PPP1R13B: variants seen among roughly 807,000 people sequenced by gnomAD.
PPP1R13B encodes apoptosis-stimulating of p53 protein 1.
PPP1R13B carries 44 observed loss-of-function variants against 119.8 expected under a neutral mutation model. The ratio of observed to expected loss-of-function variants is 0.37; its 90% CI spans 0.29 to 0.47. The LOEUF (loss-of-function observed/expected upper bound fraction) is 0.47, where lower values mean the gene tolerates loss of function less well. Among genes scored for constraint, PPP1R13B ranks in the 20% least tolerant of loss-of-function variants. The pLI, the probability that PPP1R13B is intolerant of heterozygous loss-of-function variation, is 0.99. For synonymous variants in PPP1R13B, 542 were observed against 561.5 expected (o/e 0.97, Z 0.49); for missense variants, 1,227 against 1,413.5 (o/e 0.87, Z 2.12).
chr14:103,742,126 T>A lies in PPP1R13B; in HGVS notation c.1486A>T (p.Ser496Cys). The change falls in exon 11 of 17, where the codon AGT (serine) becomes TGT (cysteine). Residue 496 changes from serine to cysteine, a missense_variant. Transcript: ENST00000202556. This position sits in a 1 kb window ranked among gnomAD's most constrained non-coding sequence, Gnocchi z 4.9. ...GGCAGCAGGGTGGGCCTCTGTCGAC[T>A]TGGCAGGCCTGCACTGGGCCTGGGC... ...SLPRPSAGLP[S>C]RQRPTLLPAT... is the part of the protein sequence containing the mutation. 1.2e-6 allele frequency: 2 copies of A among 1,612,870 alleles called. No homozygotes were observed. Among genetic ancestry groups the A allele is most frequent in the Non-Finnish European group, 1.7e-6 (2 of 1,180,002 alleles).
At chr14:103,774,768 G>T (rs1045962017) in intron 4 of PPP1R13B, among the ~76,000 whole-genome samples, 1 of 152,182 alleles carries the variant, frequency 6.6e-6, no homozygotes, top group Non-Finnish European at 1.5e-5. Flanking sequence ...CATTTTGGGG[G>T]AAGATGTTTT....
In PPP1R13B at chr14:103,740,434, C is replaced by T; in HGVS notation, c.1982G>A (p.Ser661Asn). The T allele has an allele frequency of 6.2e-7, 1 of 1,603,450 alleles. No homozygotes were observed. The highest frequency in any genetic ancestry group is 8.5e-7 in the Non-Finnish European group (1 of 1,174,020). The change falls in exon 12 of 17, where the codon AGC becomes AAC. Residue 661 changes from serine (S) to asparagine (N), a missense_variant. Transcript: ENST00000202556. This position sits in a 1 kb window ranked among gnomAD's most constrained non-coding sequence, Gnocchi z 4.6. ...TGGCCGTGGCAGGCTCTCCACGGTGCTGCCATCTGCGGGGGCGGCGGGGCC... is the reference window on the plus strand; with the variant it reads ...TGGCCGTGGCAGGCTCTCCACGGTGTTGCCATCTGCGGGGGCGGCGGGGCC... ...QDGPAAPADG[S>N]TVESLPRPLS...
At chr14:103,737,434 G>T in intron 15 of PPP1R13B, 1 of 360,612 alleles carries the variant, frequency 2.8e-6, no homozygotes, top group East Asian at 4.8e-5. Context: ...AAATTAGCTG[G>T]CTGTGGTGGG....
At chr14:103,824,134 C>T (rs1369276414) in intron 1 of PPP1R13B, among the ~76,000 whole-genome samples, 1 of 148,914 alleles carries the variant, frequency 6.7e-6, no homozygotes, top group Non-Finnish European at 1.5e-5. Context: ...CGACCTCCAC[C>T]TCCCAGGTTC....
rs528848543 is a variant in PPP1R13B, at chr14:103,843,034, C to T, written c.9+4265G>A. On this transcript the variant is annotated intron_variant, in intron 1 of 16. Transcript: ENST00000202556. ...TCCCCACATATATCTCATCTATGCA[C>T]GAAAAGTTTTACTAGCTACAAAACG... Among the ~76,000 whole-genome samples, 80 of 151,916 alleles carry T rather than the reference C, an allele frequency of 5.3e-4. No individual in the cohort carries two copies. The South Asian group carries it at 0.016, about 30-fold the overall frequency.
intron 4 of PPP1R13B, among the ~76,000 whole-genome samples, chr14:103,758,983 G>C (rs1324139480): frequency 2.7e-5 from 4 of 150,442 alleles, no homozygotes; most frequent in Non-Finnish European, 5.9e-5. Flanking sequence ...TCTTGAGACG[G>C]AGTCTCGCTC....
intron 2 of PPP1R13B, chr14:103,794,666 A>T (rs901074989): frequency 2.6e-5 from 4 of 151,308 alleles, no homozygotes; most frequent in Admixed American, 6.7e-5. Flanking sequence ...TCTGAAACCT[A>T]AAAAAAAAAA....
At chr14:103,776,908 A>C (rs2085213802) in intron 4 of PPP1R13B, among the ~76,000 whole-genome samples, 1 of 152,054 alleles carries the variant, frequency 6.6e-6, no homozygotes, top group Non-Finnish European at 1.5e-5. Context: ...CTAGTCTTAA[A>C]ATTACTTGTT....
At chr14:103,746,290 C>T (rs2084382908) in intron 9 of PPP1R13B, 83 bp downstream of exon 9, 1 of 276,052 alleles carries the variant, frequency 3.6e-6, no homozygotes. Flanking sequence ...CCTCAGGAGC[C>T]TGCCCCACCC....
chr14:103,814,294 A>C (rs942837764), intron 1 of PPP1R13B, among the ~76,000 whole-genome samples: 2 of 152,292 alleles, frequency 1.3e-5, no homozygotes, highest in East Asian at 3.9e-4. Flanking sequence ...GCTTGCAGTG[A>C]GCCGAGATTG....
At chr14:103,803,923 G>C (rs1225459480) in intron 1 of PPP1R13B, 1 of 508,990 alleles carries the variant, frequency 2.0e-6, no homozygotes, top group Non-Finnish European at 2.5e-6. Flanking sequence ...CCCAACCTCA[G>C]ATAAAGCCTC....
intron 1 of PPP1R13B, among the ~76,000 whole-genome samples, chr14:103,843,361 G>A (rs572004097): frequency 5.9e-5 from 9 of 151,824 alleles, no homozygotes; most frequent in African/African-American, 1.2e-4. Flanking sequence ...GTGACAGAGC[G>A]AGACTCTGTC....
intron 4 of PPP1R13B, among the ~76,000 whole-genome samples, chr14:103,760,444 G>A (rs1467547249): frequency 2.6e-5 from 4 of 152,172 alleles, no homozygotes; most frequent in Middle Eastern, 3.4e-3. Flanking sequence ...TAGAGTTGTC[G>A]GATGAGTTCA....
chr14:103,739,204 T>C, intron 12 of PPP1R13B, 181 bp from the exon 13 acceptor site: 1 of 736,900 alleles, frequency 1.4e-6, no homozygotes, highest in Non-Finnish European at 2.2e-6. Flanking sequence ...AGGGCCACTC[T>C]GCTCACTACA....
At chr14:103,809,357 T>C (rs1352092276) in intron 1 of PPP1R13B, among the ~76,000 whole-genome samples, 1 of 152,224 alleles carries the variant, frequency 6.6e-6, no homozygotes, top group Non-Finnish European at 1.5e-5. Context: ...TTACTTAGTA[T>C]ATAGTCCCTT....
At chr14:103,833,862 T>TTCTCGACAATGTGAGC (rs2086713809) in intron 1 of PPP1R13B, among the ~76,000 whole-genome samples, 1 of 152,146 alleles carries the variant, frequency 6.6e-6, no homozygotes, top group Non-Finnish European at 1.5e-5. Flanking sequence ...TACATGATTG[T>TTCTCGACAATGTGAGC]TCTCGACAAT....
chr14:103,815,928 G>A (rs1425572250), intron 1 of PPP1R13B, among the ~76,000 whole-genome samples: 3 of 150,958 alleles, frequency 2.0e-5, no homozygotes, highest in East Asian at 2.0e-4. Context: ...TTAAAAATAC[G>A]AAAACATTAG....
At position 103,746,655 on chromosome 14, in the gene PPP1R13B, G is replaced by A. The variant is rs146044005; in HGVS notation, c.970-102C>T. On this transcript the variant is annotated intron_variant, in intron 8 of 16. Transcript: ENST00000202556. ...AGCTCGGACAGAAAGCACTCACTCA[G>A]TGGTTGGTTTTTAGGAAGCCTGTCA... 4.2e-4 allele frequency: 467 copies of A among 1,113,450 alleles called. 2 individuals carry two copies. The African/African-American group carries it at 6.8e-3, about 16-fold the overall frequency. 69.0% of individuals were successfully genotyped at this position (1,113,450 alleles called of 1,614,324 possible).
intron 1 of PPP1R13B, among the ~76,000 whole-genome samples, chr14:103,841,459 G>A (rs967862731): frequency 4.3e-4 from 64 of 148,892 alleles, no homozygotes; most frequent in African/African-American, 1.6e-3. Context: ...GCATGGTGGC[G>A]GGCGCCTGTA....
Sources: gnomAD v4.1 joint callset for allele counts (sites outside exome capture counted in the v4.1 genomes callset) on GRCh38, gnomAD v4.1.1 for gene constraint, Gnocchi (gnomAD v3.1) non-coding constraint, MANE v1.5 for transcripts, NCBI Gene and HGNC (gene_info 2026-07-23, HGNC 2026-07-21) for gene names.